Variants in IL2RA observed in about 807,000 individuals in gnomAD.
IL2RA encodes the protein interleukin-2 receptor subunit alpha.
Under a neutral mutation model 37.8 loss-of-function variants are expected in IL2RA, and 24 were observed. That is an observed-to-expected ratio of 0.63 (90% CI 0.46 to 0.89). IL2RA has a LOEUF of 0.89. IL2RA is among the 40% of genes least tolerant of loss of function. The probability of loss-of-function intolerance (pLI) is 0.00; values close to 1 mark genes in which losing one functional copy is unlikely to be tolerated. For synonymous variants in IL2RA, 125 were observed against 114.6 expected (o/e 1.09, Z -0.58); for missense variants, 319 against 348.6 (o/e 0.92, Z 0.68).
rs937347752 is a variant in IL2RA at position 6,047,377 on chromosome 10, G to C, written c.64+14711C>G. 1.3e-5 allele frequency among the ~76,000 whole-genome samples: 2 copies of C among 152,170 alleles called. No homozygotes were observed. Among genetic ancestry groups the C allele is most frequent in the African/African-American group, 4.8e-5 (2 of 41,454 alleles). ...AATGGCAAAGGCTGGTTGTCACCTG[G>C]GGGCCTCAGAAGCCACGGCACCAGA... On this transcript the variant is annotated intron_variant, in intron 1 of 7. Transcript: ENST00000379959. This position sits in a 1 kb window ranked among gnomAD's most constrained non-coding sequence, Gnocchi z 5.0.
At chr10:6,024,427 TCA>T in intron 2 of IL2RA, 73 bp from the exon 3 acceptor site, 2 of 1,121,992 alleles carry the variant, frequency 1.8e-6, no homozygotes, top group Non-Finnish European at 2.7e-6. Flanking sequence ...ATGTATTCAT[TCA>T]CTTGAGAAGC....
Position 6,022,518 on chromosome 10 carries a change from C to T in IL2RA, c.368-825G>A, listed in dbSNP as rs1343475751. Among the ~76,000 whole-genome samples, 1 of 152,198 alleles carries T rather than the reference C, an allele frequency of 6.6e-6. No individual in the cohort carries two copies. Among genetic ancestry groups the T allele is most frequent in the Non-Finnish European group, 1.5e-5 (1 of 68,034 alleles). Reference sequence around the variant, plus strand: ...CCCAGCCTGTGAAACTGCGCACGTGCTCTGAACTTCCAGACTCTCCCCAAC... The same window carrying T: ...CCCAGCCTGTGAAACTGCGCACGTGTTCTGAACTTCCAGACTCTCCCCAAC... On this transcript the variant is annotated intron_variant, in intron 3 of 7. Transcript: ENST00000379959. This position sits in a 1 kb window ranked among gnomAD's most constrained non-coding sequence, Gnocchi z 4.7.
At chr10:6,051,588 C>G (rs1322977567) in intron 1 of IL2RA, among the ~76,000 whole-genome samples, 1 of 144,150 alleles carries the variant, frequency 6.9e-6, no homozygotes, top group African/African-American at 2.5e-5. Flanking sequence ...GGCTCAATCT[C>G]GGCTCACTGC....
chr10:6,023,470 G>A (rs1405321399), intron 3 of IL2RA, among the ~76,000 whole-genome samples: 4 of 152,090 alleles, frequency 2.6e-5, no homozygotes, highest in Non-Finnish European at 5.9e-5. Context: ...TGAGTAGCTG[G>A]GACTACAGGC....
chr10:6,026,655 C>T (rs1299626991), intron 1 of IL2RA, among the ~76,000 whole-genome samples: 1 of 152,182 alleles, frequency 6.6e-6, no homozygotes, highest in Non-Finnish European at 1.5e-5. Flanking sequence ...AAACATCAAA[C>T]TATTAAAAGG....
Position 6,021,169 on chromosome 10 carries a change from T to C in IL2RA, c.583+309A>G, listed in dbSNP as rs1345209802. On this transcript the variant is annotated intron_variant, in intron 4 of 7. Coordinates refer to ENST00000379959, the MANE Select transcript of IL2RA (RefSeq NM_000417.3). This position sits in a 1 kb window ranked among gnomAD's most constrained non-coding sequence, Gnocchi z 4.9. ...AGGCCTTGGTGGCTTAGAGAAGTAG[T>C]GGACTTAGGACCAACTACGAGGCAG... is the stretch of plus-strand genomic sequence containing the variant. 6.6e-6 allele frequency among the ~76,000 whole-genome samples: 1 copy of C among 151,994 alleles called. No individual in the cohort carries two copies. Among genetic ancestry groups the C allele is most frequent in the Non-Finnish European group, 1.5e-5 (1 of 68,010 alleles).
chr10:6,033,322 C>T lies in IL2RA; in HGVS notation c.65-7297G>A, dbSNP rs77866737. On this transcript the variant is annotated intron_variant, in intron 1 of 7. Coordinates refer to ENST00000379959, the MANE Select transcript of IL2RA (RefSeq NM_000417.3). The surrounding 1 kb of genome is among the most constrained non-coding windows in gnomAD (Gnocchi z 4.3). ...AAACAAAGAAACAAACAAACAACAACAAAAAAAAAACAAAAAAAGAAAGTA... is the reference window on the plus strand; with the variant it reads ...AAACAAAGAAACAAACAAACAACAATAAAAAAAAAACAAAAAAAGAAAGTA... Among the ~76,000 whole-genome samples, 2 of 146,638 alleles carry T rather than the reference C, an allele frequency of 1.4e-5. No homozygotes were observed. The highest frequency in any genetic ancestry group is 3.5e-3 in the Middle Eastern group (1 of 288).
chr10:6,048,087 T>C lies in IL2RA; in HGVS notation c.64+14001A>G, dbSNP rs1340586167. The stretch of plus-strand genomic sequence containing the variant: ...CTGTCCTCCCGCCTATCCTCCCTCA[T>C]GTGCTGGCTGCATCCTGCTCCCGTG... On this transcript the variant is annotated intron_variant, in intron 1 of 7. Transcript: ENST00000379959. The surrounding 1 kb of genome is among the most constrained non-coding windows in gnomAD (Gnocchi z 5.3). Among the ~76,000 whole-genome samples the C allele has an allele frequency of 6.6e-6, 1 of 152,208 alleles. No individual in the cohort carries two copies. Among genetic ancestry groups the C allele is most frequent in the Non-Finnish European group, 1.5e-5 (1 of 68,036 alleles).
In IL2RA at chr10:6,012,728, G is replaced by T; in HGVS notation, c.*144C>A. The T allele has an allele frequency of 2.4e-6, 2 of 839,256 alleles. No homozygotes were observed. Among genetic ancestry groups the T allele is most frequent in the South Asian group, 1.4e-5 (1 of 72,440 alleles). The allele number at this position is 839,256 out of a possible 1,614,324, so 52.0% of individuals were successfully genotyped here. ...TTGCCACTGCCCCGTGTCCTGTGAT[G>T]TGACTTCAGAGCTTCCAAAACGCAG... On this transcript the variant is annotated 3_prime_UTR_variant, in exon 8 of 8. Coordinates refer to ENST00000379959, the MANE Select transcript of IL2RA (RefSeq NM_000417.3). This position sits in a 1 kb window ranked among gnomAD's most constrained non-coding sequence, Gnocchi z 4.8.
At position 6,028,974 on chromosome 10, in the gene IL2RA, G is replaced by A. The variant is rs1839529268; in HGVS notation, c.65-2949C>T. 1.4e-5 allele frequency among the ~76,000 whole-genome samples: 2 copies of A among 143,770 alleles called. No individual in the cohort carries two copies. Among genetic ancestry groups the A allele is most frequent in the South Asian group, 4.6e-4 (2 of 4,358 alleles). 94.3% of individuals were successfully genotyped at this position (143,770 alleles called of 152,430 possible). ...AGCACCCCAGCCTGGGTTACAGAGTGAGTGAGAGTCTGTCTCAAAAAAAAA... is the reference window on the plus strand; with the variant it reads ...AGCACCCCAGCCTGGGTTACAGAGTAAGTGAGAGTCTGTCTCAAAAAAAAA... On this transcript the variant is annotated intron_variant, in intron 1 of 7. Transcript: ENST00000379959. The surrounding 1 kb of genome is among the most constrained non-coding windows in gnomAD (Gnocchi z 4.1).
At position 6,036,993 on chromosome 10, in the gene IL2RA, C is replaced by T. The variant is rs966605912; in HGVS notation, c.65-10968G>A. On this transcript the variant is annotated intron_variant, in intron 1 of 7. Coordinates refer to ENST00000379959, the MANE Select transcript of IL2RA (RefSeq NM_000417.3). This position sits in a 1 kb window ranked among gnomAD's most constrained non-coding sequence, Gnocchi z 6.1. ...ACATGATGCTGGGGCTGCAGAGCCC[C>T]AGGCCGCACTTGGAGTATGAGAGTT... 6.6e-6 allele frequency among the ~76,000 whole-genome samples: 1 copy of T among 152,142 alleles called. No homozygotes were observed. The highest frequency in any genetic ancestry group is 1.5e-5 in the Non-Finnish European group (1 of 68,018).
intron 1 of IL2RA, among the ~76,000 whole-genome samples, chr10:6,043,592 C>G (rs949956649): frequency 1.3e-5 from 2 of 152,100 alleles, no homozygotes; most frequent in Non-Finnish European, 2.9e-5. Flanking sequence ...GCGCCTGCAT[C>G]ACATCAGGCT....
chr10:6,032,884 C>G (rs1029151645), intron 1 of IL2RA, among the ~76,000 whole-genome samples: 3 of 152,030 alleles, frequency 2.0e-5, no homozygotes, highest in African/African-American at 7.2e-5. Flanking sequence ...ACACGACTAT[C>G]AATAAACACT....
At position 6,021,676 on chromosome 10, in the gene IL2RA, G is replaced by A; in HGVS notation, c.385C>T (p.Pro129Ser). ...TCTGTGGCTTCATTTTCCCATGGTGGAGGTTCCCTGCAGTGACCTGGAAGA... is the reference window on the plus strand; with the variant it reads ...TCTGTGGCTTCATTTTCCCATGGTGAAGGTTCCCTGCAGTGACCTGGAAGA... ...ASLPGHCREP[P>S]PWENEATERI... is the part of the protein sequence containing the mutation. The change falls in exon 4 of 8, where the codon CCA becomes TCA. Residue 129 changes from proline to serine, a missense_variant. Transcript: ENST00000379959. The surrounding 1 kb of genome is among the most constrained non-coding windows in gnomAD (Gnocchi z 4.9). 6.2e-7 allele frequency: 1 copy of A among 1,614,116 alleles called. No homozygotes were observed. The highest frequency in any genetic ancestry group is 8.5e-7 in the Non-Finnish European group (1 of 1,180,004).
intron 1 of IL2RA, among the ~76,000 whole-genome samples, chr10:6,031,481 T>C (rs1250821935): frequency 1.2e-3 from 37 of 31,032 alleles, no homozygotes; most frequent in Non-Finnish European, 2.0e-3. Flanking sequence ...TATATATATA[T>C]ATATATATAT....
At chr10:6,023,711 C>G (rs972931989) in intron 3 of IL2RA, among the ~76,000 whole-genome samples, 1 of 152,228 alleles carries the variant, frequency 6.6e-6, no homozygotes, top group African/African-American at 2.4e-5. Flanking sequence ...AGCCACAGTG[C>G]CCACTCATGC....
intron 7 of IL2RA, 62 bp downstream of exon 7, chr10:6,017,990 AG>A: frequency 7.8e-7 from 1 of 1,284,020 alleles, no homozygotes; most frequent in Non-Finnish European, 1.1e-6. Flanking sequence ...GGGGGGAGGC[AG>A]GGTGGGGCTG....
At chr10:6,030,883 A>G (rs1839564581) in intron 1 of IL2RA, among the ~76,000 whole-genome samples, 1 of 152,186 alleles carries the variant, frequency 6.6e-6, no homozygotes, top group South Asian at 2.1e-4. Context: ...TTAGGTTTTT[A>G]TATCATATAG....
Position 6,021,759 on chromosome 10 carries a change from C to T in IL2RA, c.368-66G>A. On this transcript the variant is annotated intron_variant, in intron 3 of 7. Transcript: ENST00000379959. This position sits in a 1 kb window ranked among gnomAD's most constrained non-coding sequence, Gnocchi z 4.9. Reference sequence around the variant, plus strand: ...AGCACCGCGAGTGAGTCCAGGTTGCCTCTTGCTAGGGACTGGACCTTGGTT... The same window carrying T: ...AGCACCGCGAGTGAGTCCAGGTTGCTTCTTGCTAGGGACTGGACCTTGGTT... The T allele has an allele frequency of 7.5e-7, 1 of 1,327,516 alleles. No individual in the cohort carries two copies. The highest frequency in any genetic ancestry group is 1.1e-6 in the Non-Finnish European group (1 of 923,490). The allele number at this position is 1,327,516 out of a possible 1,614,324, so 82.2% of individuals were successfully genotyped here.
Sources: allele counts gnomAD v4.1 joint callset (sites outside exome capture counted in the v4.1 genomes callset), GRCh38; gene constraint gnomAD v4.1.1; non-coding constraint Gnocchi (gnomAD v3.1); transcripts MANE v1.5; gene names NCBI Gene and HGNC (gene_info 2026-07-23, HGNC 2026-07-21).